CDH13: variants seen among roughly 807,000 people sequenced by gnomAD.
CDH13 encodes the protein cadherin-13.
A neutral mutation model predicts 63.8 loss-of-function variants in CDH13; 24 were observed. The ratio of observed to expected loss-of-function variants is 0.38; its 90% CI spans 0.27 to 0.53. The LOEUF is 0.53. Among genes scored for constraint, CDH13 ranks in the 20% least tolerant of loss-of-function variants. The probability of loss-of-function intolerance (pLI) is 0.85; values close to 1 mark genes in which losing one functional copy is unlikely to be tolerated. For synonymous variants in CDH13, 503 were observed against 355.3 expected, an observed-to-expected ratio of 1.42 and a Z score of -4.67; for missense variants, 1,049 against 903.1, an observed-to-expected ratio of 1.16 and a Z score of -2.07.
At chr16:83,660,924 T>C (rs1440839401) in intron 8 of CDH13, among the ~76,000 whole-genome samples, 8 of 118,772 alleles carry the variant, frequency 6.7e-5, no homozygotes, top group Admixed American at 2.5e-4. Context: ...AAGCCTGAAA[T>C]TGAAGAAAAA....
At chr16:83,522,127 C>T (rs770554933) in intron 7 of CDH13, among the ~76,000 whole-genome samples, 5 of 152,148 alleles carry the variant, frequency 3.3e-5, no homozygotes, top group Non-Finnish European at 5.9e-5. Context: ...CTCTGCCCAC[C>T]GGGTGCTGTC....
chr16:83,486,429 G>A, intron 6 of CDH13, 48 bp from the exon 7 acceptor site: 2 of 1,559,670 alleles, frequency 1.3e-6, no homozygotes, highest in Non-Finnish European at 1.7e-6. Context: ...TCTGGCCGTT[G>A]TTGACCCATT....
chr16:83,783,991 T>C (rs934244927), intron 13 of CDH13, among the ~76,000 whole-genome samples: 3 of 152,230 alleles, frequency 2.0e-5, no homozygotes, highest in Non-Finnish European at 4.4e-5. Context: ...TCATGAAACA[T>C]TGTTTTTAAC....
intron 11 of CDH13, among the ~76,000 whole-genome samples, chr16:83,761,431 C>T (rs762992018): frequency 1.8e-4 from 28 of 152,302 alleles, no homozygotes; most frequent in Admixed American, 3.3e-4. Context: ...GTGAATTGGG[C>T]AACCTCTCAA....
At chr16:82,863,256 G>A (rs181925971) in intron 2 of CDH13, among the ~76,000 whole-genome samples, 44 of 152,252 alleles carry the variant, frequency 2.9e-4, no homozygotes, top group Non-Finnish European at 5.4e-4. Context: ...GAGCAAGGTC[G>A]TGCACCTGCG....
intron 3 of CDH13, among the ~76,000 whole-genome samples, chr16:83,078,550 G>A (rs2033014362): frequency 1.3e-5 from 2 of 152,174 alleles, no homozygotes; most frequent in Admixed American, 6.5e-5. Flanking sequence ...CTTGTCAGAG[G>A]CACATCTCCT....
chr16:83,345,209 T>C (rs1021153351), intron 6 of CDH13, among the ~76,000 whole-genome samples: 2 of 152,212 alleles, frequency 1.3e-5, no homozygotes, highest in Non-Finnish European at 2.9e-5. Context: ...GAAATCTCTT[T>C]CATTGTCTCT....
Position 83,443,994 on chromosome 16 carries a change from A to T in CDH13, c.782-42483A>T, listed in dbSNP as rs1395468383. 2.0e-5 allele frequency among the ~76,000 whole-genome samples: 3 copies of T among 149,864 alleles called. 1 individual carries two copies. Among genetic ancestry groups the T allele is most frequent in the Non-Finnish European group, 3.0e-5 (2 of 67,376 alleles). ...TCAGGTGATGGTGTTGATTATGATG[A>T]TGATGGCAAAGACGGTGGTGAAGGT... On this transcript the variant is annotated intron_variant, in intron 6 of 13. Transcript: ENST00000567109.
intron 6 of CDH13, among the ~76,000 whole-genome samples, chr16:83,455,042 T>C (rs2072984841): frequency 6.6e-6 from 1 of 152,236 alleles, no homozygotes; most frequent in Non-Finnish European, 1.5e-5. Flanking sequence ...CTTCAGCTTA[T>C]TTAATTTTCA....
At chr16:83,772,734 C>G (rs1464659441) in intron 11 of CDH13, 3 of 152,188 alleles carry the variant, frequency 2.0e-5, no homozygotes, top group African/African-American at 7.2e-5. Flanking sequence ...TTTTTGGAAC[C>G]CTCCTTTCAT....
chr16:83,275,848 G>C (rs1333847916), intron 5 of CDH13, among the ~76,000 whole-genome samples: 2 of 152,094 alleles, frequency 1.3e-5, no homozygotes, highest in Admixed American at 1.3e-4. Flanking sequence ...GAGGGGTGAG[G>C]GAAGGGTCAC....
At chr16:83,476,839 A>G (rs1306224436) in intron 6 of CDH13, among the ~76,000 whole-genome samples, 1 of 152,228 alleles carries the variant, frequency 6.6e-6, no homozygotes, top group East Asian at 1.9e-4. Flanking sequence ...TAAAGTTTCC[A>G]CTTAAAATTG....
chr16:83,276,186 C>T (rs1169257541), intron 5 of CDH13, among the ~76,000 whole-genome samples: 1 of 152,140 alleles, frequency 6.6e-6, no homozygotes, highest in African/African-American at 2.4e-5. Flanking sequence ...CCATCCCAAT[C>T]ACTCCAACTC....
intron 1 of CDH13, among the ~76,000 whole-genome samples, chr16:82,855,434 A>C (rs1238261906): frequency 6.6e-6 from 1 of 152,218 alleles, no homozygotes; most frequent in African/African-American, 2.4e-5. Context: ...CTGAGAGCAG[A>C]ATTAGCCAAT....
chr16:82,820,048 G>C lies in CDH13; in HGVS notation c.46-38314G>C, dbSNP rs549295219. ...AGTCAGACGAGCCAGGAGGGTTCCT[G>C]GCTGTTCCCTGCACATGTCATTAAT... On this transcript the variant is annotated intron_variant, in intron 1 of 13. Coordinates refer to ENST00000567109, the MANE Select transcript of CDH13 (RefSeq NM_001257.5). Among the ~76,000 whole-genome samples the C allele has an allele frequency of 3.2e-4, 48 of 152,198 alleles. No individual in the cohort carries two copies. In the South Asian group the frequency reaches 9.4e-3, roughly 30 times the overall value.
chr16:82,935,231 G>A (rs760411486), intron 2 of CDH13, among the ~76,000 whole-genome samples: 4 of 152,104 alleles, frequency 2.6e-5, no homozygotes, highest in Non-Finnish European at 2.9e-5. Context: ...CAGAGTGAAG[G>A]GAGAGACAGC....
intron 1 of CDH13, among the ~76,000 whole-genome samples, chr16:82,772,278 C>T (rs549226789): frequency 6.6e-6 from 1 of 152,214 alleles, no homozygotes; most frequent in Middle Eastern, 3.4e-3. Flanking sequence ...TGGCATACTA[C>T]CGGAGCTGCT....
At chr16:82,711,323 G>A (rs1345737285) in intron 1 of CDH13, among the ~76,000 whole-genome samples, 1 of 152,252 alleles carries the variant, frequency 6.6e-6, no homozygotes, top group Non-Finnish European at 1.5e-5. Context: ...CAGTGATCCT[G>A]CAGGACCCTC....
intron 8 of CDH13, among the ~76,000 whole-genome samples, chr16:83,624,346 C>T (rs1198027793): frequency 6.6e-6 from 1 of 151,522 alleles, no homozygotes; most frequent in Non-Finnish European, 1.5e-5. Context: ...ACGCCCCCAC[C>T]CCTGCCCCAG....
Sources: allele counts gnomAD v4.1 joint callset (sites outside exome capture counted in the v4.1 genomes callset), GRCh38; gene constraint gnomAD v4.1.1; transcripts MANE v1.5; gene names NCBI Gene and HGNC (gene_info 2026-07-23, HGNC 2026-07-21).